RYR2: variants seen among roughly 807,000 people sequenced by gnomAD.
The protein encoded by RYR2 is ryanodine receptor 2, also known as cardiac muscle ryanodine receptor-calcium release channel.
A neutral mutation model predicts 601.1 loss-of-function variants in RYR2; 227 were observed. The observed-to-expected ratio is 0.38, with a 90% confidence interval of 0.34 to 0.42. The LOEUF (loss-of-function observed/expected upper bound fraction) is 0.42. RYR2 is among the 10% of genes least tolerant of loss of function. RYR2 has a pLI of 1.00. For synonymous variants in RYR2, 2,223 were observed against 2,175.1 expected (o/e 1.02, Z -0.61); for missense variants, 4,646 against 6,156.5 (o/e 0.75, Z 8.21).
intron 41 of RYR2, among the ~76,000 whole-genome samples, chr1:237,629,145 A>G (rs1679994590): frequency 6.6e-6 from 1 of 152,188 alleles, no homozygotes; most frequent in Non-Finnish European, 1.5e-5. Flanking sequence ...TGAGTATACT[A>G]CTGATTTATA....
At chr1:237,417,561 A>G (rs564845246) in intron 11 of RYR2, among the ~76,000 whole-genome samples, 1 of 152,346 alleles carries the variant, frequency 6.6e-6, no homozygotes, top group African/African-American at 2.4e-5. Flanking sequence ...AAACTTGAAC[A>G]TGAGCGTAGG....
chr1:237,365,745 A>G (rs936362960), intron 5 of RYR2, among the ~76,000 whole-genome samples: 1 of 152,210 alleles, frequency 6.6e-6, no homozygotes, highest in Non-Finnish European at 1.5e-5. Flanking sequence ...TTCTTAATTC[A>G]ACTGTACAAT....
chr1:237,159,846 C>T (rs907737915), intron 1 of RYR2, among the ~76,000 whole-genome samples: 4 of 152,160 alleles, frequency 2.6e-5, no homozygotes, highest in Non-Finnish European at 5.9e-5. Context: ...ATATTAATCA[C>T]CATCTCCACA....
At chr1:237,446,562 T>C (rs965283153) in intron 14 of RYR2, among the ~76,000 whole-genome samples, 4 of 152,098 alleles carry the variant, frequency 2.6e-5, no homozygotes, top group Middle Eastern at 3.2e-3. Flanking sequence ...TTTTTGGCTT[T>C]ACAGCATAAA....
chr1:237,673,345 C>T (rs995661366), intron 58 of RYR2, among the ~76,000 whole-genome samples: 1 of 151,910 alleles, frequency 6.6e-6, no homozygotes, highest in African/African-American at 2.4e-5. Context: ...AAAATTTTAA[C>T]CAAAATTTTT....
intron 92 of RYR2, among the ~76,000 whole-genome samples, chr1:237,790,652 C>A (rs1658267074): frequency 6.6e-6 from 1 of 152,046 alleles, no homozygotes; most frequent in Non-Finnish European, 1.5e-5. Flanking sequence ...TAACTCATTT[C>A]ATCTTCAAAG....
intron 66 of RYR2, among the ~76,000 whole-genome samples, chr1:237,702,743 A>C (rs139786653): frequency 1.3e-5 from 2 of 152,096 alleles, no homozygotes; most frequent in Admixed American, 1.3e-4. Flanking sequence ...ATTTCAAAGA[A>C]TAAACCCATG....
intron 58 of RYR2, among the ~76,000 whole-genome samples, chr1:237,669,747 C>T (rs1432269373): frequency 2.0e-5 from 3 of 150,140 alleles, no homozygotes; most frequent in Admixed American, 6.6e-5. Flanking sequence ...TGGGAAGAGG[C>T]GCTCCTCACT....
chr1:237,164,322 A>G (rs1676384876), intron 1 of RYR2, among the ~76,000 whole-genome samples: 1 of 152,182 alleles, frequency 6.6e-6, no homozygotes, highest in Non-Finnish European at 1.5e-5. Flanking sequence ...GAGGGATAAC[A>G]TCAGAATGCT....
chr1:237,218,478 T>C (rs1572241826), intron 1 of RYR2, among the ~76,000 whole-genome samples: 1 of 152,102 alleles, frequency 6.6e-6, no homozygotes. Flanking sequence ...CTAGGAGAGG[T>C]TGGACAACTG....
At chr1:237,516,613 A>G (rs1267446370) in intron 24 of RYR2, among the ~76,000 whole-genome samples, 2 of 152,134 alleles carry the variant, frequency 1.3e-5, no homozygotes, top group African/African-American at 4.8e-5. Flanking sequence ...TTGTCCTATC[A>G]TTCCATTGAC....
In RYR2 at chr1:237,659,974, C is replaced by CT; in HGVS notation, c.8209-4dup. On this transcript the variant is annotated splice_polypyrimidine_tract_variant and intron_variant, in intron 54 of 104. Coordinates refer to ENST00000366574, the MANE Select transcript of RYR2 (RefSeq NM_001035.3). ...GTGTAAAACAATTTTTAATGTTTGC[C>CT]TTTTTTTAAGTTGGCAAATGGATGG... 10 of 1,562,636 alleles carry CT rather than the reference C, an allele frequency of 6.4e-6. No homozygotes were observed. Among genetic ancestry groups the CT allele is most frequent in the South Asian group, 3.7e-5 (3 of 81,362 alleles).
At chr1:237,613,650 G>T (rs1573119426) in intron 36 of RYR2, among the ~76,000 whole-genome samples, 1 of 152,202 alleles carries the variant, frequency 6.6e-6, no homozygotes, top group East Asian at 1.9e-4. Flanking sequence ...AAAGTACTAT[G>T]CAGCCATTAA....
At chr1:237,810,381 C>T (rs1661128991) in intron 100 of RYR2, among the ~76,000 whole-genome samples, 1 of 152,162 alleles carries the variant, frequency 6.6e-6, no homozygotes, top group Admixed American at 6.6e-5. Context: ...CGCTCAGCCT[C>T]TGTCAAAGTG....
At chr1:237,417,908 G>A (rs1056064272) in intron 11 of RYR2, among the ~76,000 whole-genome samples, 2 of 152,064 alleles carry the variant, frequency 1.3e-5, no homozygotes, top group African/African-American at 2.4e-5. Context: ...AGTATATTGG[G>A]TTTTAAAGAC....
rs142170326 is a variant in RYR2, at chr1:237,464,861, A to G, written c.1613-4231A>G. 7.7e-3 allele frequency among the ~76,000 whole-genome samples: 1,169 copies of G among 152,256 alleles called. 6 individuals carry two copies. The highest frequency in any genetic ancestry group is 0.011 in the Non-Finnish European group (741 of 68,026). ...CAGATGTACACTTCTGTGCTGAGGT[A>G]ATGTCACCATTTACTTATTTAGGCA... On this transcript the variant is annotated intron_variant, in intron 16 of 104. Coordinates refer to ENST00000366574, the MANE Select transcript of RYR2 (RefSeq NM_001035.3).
At chr1:237,708,525 C>T (rs557281425) in intron 68 of RYR2, among the ~76,000 whole-genome samples, 1 of 152,274 alleles carries the variant, frequency 6.6e-6, no homozygotes, top group East Asian at 1.9e-4. Flanking sequence ...TGTCCCTATT[C>T]TAAGGGTTAG....
chr1:237,621,363 G>A (rs2148634300), intron 38 of RYR2, among the ~76,000 whole-genome samples: 1 of 152,126 alleles, frequency 6.6e-6, no homozygotes, highest in South Asian at 2.1e-4. Flanking sequence ...TGAAAACAAA[G>A]AGTAAAATAA....
intron 65 of RYR2, 40 bp downstream of exon 65, chr1:237,700,507 C>T (rs143733522): frequency 3.9e-4 from 368 of 947,262 alleles, no homozygotes; most frequent in African/African-American, 1.7e-3. Context: ...TTTTTTTAAT[C>T]GAAATACCCT....
Sources: gnomAD v4.1 joint callset for allele counts (sites outside exome capture counted in the v4.1 genomes callset) on GRCh38, gnomAD v4.1.1 for gene constraint, MANE v1.5 for transcripts, NCBI Gene and HGNC (gene_info 2026-07-23, HGNC 2026-07-21) for gene names.